The following PDZD2 variants were observed in gnomAD, a reference collection of about 807,000 sequenced individuals.
PDZD2 encodes the protein PDZ domain containing 2, also known as PDZ domain-containing protein 2.
Under a neutral mutation model 220.7 loss-of-function variants are expected in PDZD2, and 90 were observed. The ratio of observed to expected loss-of-function variants is 0.41; its 90% CI spans 0.34 to 0.49. The LOEUF is 0.49. PDZD2 is among the 20% of genes least tolerant of loss of function. The pLI, the probability that PDZD2 is intolerant of heterozygous loss-of-function variation, is 0.28. For synonymous variants in PDZD2, 1,375 were observed against 1,450.5 expected, an observed-to-expected ratio of 0.95 and a Z score of 1.18; for missense variants, 3,174 against 3,608.5, an observed-to-expected ratio of 0.88 and a Z score of 3.08.
At chr5:31,782,586 C>G (rs914376513) in intron 1 of PDZD2, among the ~76,000 whole-genome samples, 3 of 151,982 alleles carry the variant, frequency 2.0e-5, no homozygotes, top group Non-Finnish European at 4.4e-5. Context: ...GGTATCTGCT[C>G]GCTACCACCA....
intron 3 of PDZD2, among the ~76,000 whole-genome samples, chr5:31,994,362 G>A (rs1751470920): frequency 6.6e-6 from 1 of 151,822 alleles, no homozygotes; most frequent in Admixed American, 6.6e-5. Flanking sequence ...TTTCTTAAAT[G>A]TATTTAGGGA....
chr5:31,877,242 TTCTC>T (rs893273127), intron 2 of PDZD2, among the ~76,000 whole-genome samples: 2 of 152,020 alleles, frequency 1.3e-5, no homozygotes, highest in African/African-American at 4.8e-5. Flanking sequence ...TTGAGATGGG[TTCTC>T]TCTCTGTCAC....
At chr5:31,691,404 G>A (rs956640074) in intron 1 of PDZD2, among the ~76,000 whole-genome samples, 1 of 136,750 alleles carries the variant, frequency 7.3e-6, no homozygotes, top group Non-Finnish European at 1.5e-5. Context: ...CAAAGCTCCC[G>A]TAGAGTGGAA....
chr5:32,039,904 C>T lies in PDZD2; in HGVS notation c.1519+2562C>T, dbSNP rs180724443. Among the ~76,000 whole-genome samples, 1,011 of 149,816 alleles carry T rather than the reference C, an allele frequency of 6.7e-3. 8 individuals are homozygous for T. Among genetic ancestry groups the T allele is most frequent in the African/African-American group, 0.023 (937 of 40,298 alleles). ...GGAAGTGAGGAGCGCCTCTGCCCGG[C>T]GGCCCCATCTGGGAGGAAGTGAGGA... On this transcript the variant is annotated intron_variant, in intron 7 of 24. Transcript: ENST00000438447.
At chr5:31,809,455 T>G (rs1754955775) in intron 2 of PDZD2, among the ~76,000 whole-genome samples, 1 of 152,164 alleles carries the variant, frequency 6.6e-6, no homozygotes, top group African/African-American at 2.4e-5. Context: ...GGTGCCCCAT[T>G]CGAGTCCCTT....
chr5:31,870,628 G>A (rs533351210), intron 2 of PDZD2, among the ~76,000 whole-genome samples: 32 of 151,992 alleles, frequency 2.1e-4, no homozygotes, highest in Admixed American at 5.9e-4. Context: ...TGGCTCACGC[G>A]TATAATCCCA....
intron 1 of PDZD2, among the ~76,000 whole-genome samples, chr5:31,668,332 C>T (rs1415512749): frequency 6.6e-6 from 1 of 152,232 alleles, no homozygotes; most frequent in Non-Finnish European, 1.5e-5. Context: ...CAAACCACTC[C>T]TTTCTGTTCC....
intron 1 of PDZD2, among the ~76,000 whole-genome samples, chr5:31,709,693 C>T (rs1164858609): frequency 2.6e-5 from 4 of 152,226 alleles, no homozygotes; most frequent in Admixed American, 6.5e-5. Flanking sequence ...CGATGGCCCA[C>T]GCCTGTAATC....
intron 1 of PDZD2, among the ~76,000 whole-genome samples, chr5:31,780,712 A>G (rs58159458): frequency 6.6e-6 from 1 of 151,980 alleles, no homozygotes; most frequent in Non-Finnish European, 1.5e-5. Flanking sequence ...GGTTACAAAA[A>G]CCCACCCCAA....
intron 2 of PDZD2, among the ~76,000 whole-genome samples, chr5:31,810,324 G>A (rs1258819591): frequency 8.7e-5 from 13 of 149,112 alleles, no homozygotes; most frequent in Non-Finnish European, 1.6e-4. Context: ...GTGCAGTGGC[G>A]CGATCTCCGC....
At chr5:32,024,703 A>ATAAAG (rs558332850) in intron 6 of PDZD2, among the ~76,000 whole-genome samples, 1 of 140,282 alleles carries the variant, frequency 7.1e-6, no homozygotes, top group East Asian at 2.0e-4. Context: ...AGAAAGAAAA[A>ATAAAG]AAAGAAAAGG....
chr5:31,666,127 C>A (rs1045924325), intron 1 of PDZD2, among the ~76,000 whole-genome samples: 1 of 152,176 alleles, frequency 6.6e-6, no homozygotes. Flanking sequence ...TACAAATTTT[C>A]AAATGCCAGT....
chr5:31,953,258 G>A (rs970692049), intron 2 of PDZD2, among the ~76,000 whole-genome samples: 1 of 151,926 alleles, frequency 6.6e-6, no homozygotes, highest in Admixed American at 6.6e-5. Flanking sequence ...TATTTCAAAA[G>A]CAGAAGATGA....
At chr5:31,920,875 G>A (rs1361041113) in intron 2 of PDZD2, among the ~76,000 whole-genome samples, 3 of 152,100 alleles carry the variant, frequency 2.0e-5, no homozygotes, top group African/African-American at 7.2e-5. Flanking sequence ...ACCACAGATG[G>A]CCCCTTCAGA....
Position 31,881,012 on chromosome 5 carries a change from G to A in PDZD2, c.476+81288G>A, listed in dbSNP as rs186431452. 2.2e-4 allele frequency among the ~76,000 whole-genome samples: 34 copies of A among 151,798 alleles called. 1 individual carries two copies. The East Asian group carries it at 6.4e-3, about 29-fold the overall frequency. ...AGACGGGGTTTCACCACGTTGGCCA[G>A]CCTGGTCTCGAACTCCTGACCTTGT... On this transcript the variant is annotated intron_variant, in intron 2 of 24. Transcript: ENST00000438447.
Position 32,010,388 on chromosome 5 carries a change from G to A in PDZD2, c.1313G>A (p.Ser438Asn), listed in dbSNP as rs762244943. The A allele has an allele frequency of 3.1e-6, 5 of 1,612,786 alleles. No individual in the cohort carries two copies. Among genetic ancestry groups the A allele is most frequent in the Non-Finnish European group, 4.2e-6 (5 of 1,178,938 alleles). ...TCTAAGAGCTTGCCAGATCTGACCA[G>A]CTCGGTAGAAGATGTGTCCTCCTGG... ...LTSKSLPDLT[S>N]SVEDVSSWTD... is the part of the protein sequence containing the mutation. Residue 438 changes from serine (S) to asparagine (N), a missense_variant, in exon 6 of 25, where the codon AGC becomes AAC. By Grantham distance (46) the Ser-to-Asn change is conservative (BLOSUM62 1). Around this residue, in one of 4 missense-constraint regions of PDZD2, gnomAD observed 632 missense variants for 708.1 expected, o/e 0.89. Transcript: ENST00000438447.
Position 32,021,481 on chromosome 5 carries a change from A to G in PDZD2, c.1407+10999A>G, listed in dbSNP as rs758994978. ...CTGGGTGATTTTTGTATTTTTTAGT[A>G]GAGATGGGGTTTCACCATGTTGGCC... is the stretch of plus-strand genomic sequence containing the variant. On this transcript the variant is annotated intron_variant, in intron 6 of 24. Coordinates refer to ENST00000438447, the MANE Select transcript of PDZD2 (RefSeq NM_178140.4). Among the ~76,000 whole-genome samples the G allele has an allele frequency of 9.9e-4, 151 of 152,102 alleles. 1 individual carries two copies. The highest frequency in any genetic ancestry group is 3.4e-3 in the Middle Eastern group (1 of 294).
At position 31,704,985 on chromosome 5, in the gene PDZD2, A is replaced by T. The variant is rs890002875; in HGVS notation, c.-361+65548A>T. 3.9e-5 allele frequency among the ~76,000 whole-genome samples: 6 copies of T among 151,988 alleles called. No individual in the cohort carries two copies. The South Asian group carries it at 1.2e-3, about 32-fold the overall frequency. On this transcript the variant is annotated intron_variant, in intron 1 of 24. Coordinates refer to ENST00000438447, the MANE Select transcript of PDZD2 (RefSeq NM_178140.4). ...AGACCAACCTGGCCAACGTGGTAAA[A>T]CCCCGTCTCTACTAAAAATACAAAA...
At chr5:31,694,093 A>G (rs55775738) in intron 1 of PDZD2, among the ~76,000 whole-genome samples, 22,994 of 152,218 alleles carry the variant, frequency 0.15, 1,771 homozygotes, top group East Asian at 0.24. Context: ...AGCATTTAGA[A>G]TGTCAGGAAC....
Sources: gnomAD v4.1 joint callset for allele counts (sites outside exome capture counted in the v4.1 genomes callset) on GRCh38, gnomAD v4.1.1 for gene constraint, gnomAD v4.1.1 regional missense constraint, MANE v1.5 for transcripts, NCBI Gene and HGNC (gene_info 2026-07-23, HGNC 2026-07-21) for gene names.